Variants in TBC1D16 observed in about 807,000 individuals in gnomAD.
The protein encoded by TBC1D16 is TBC1 domain family member 16, also known as CTD-2529O21.1.
Under a neutral mutation model 74.7 loss-of-function variants are expected in TBC1D16, and 58 were observed. The ratio of observed to expected loss-of-function variants is 0.78; its 90% CI spans 0.63 to 0.97. TBC1D16 has a LOEUF of 0.97. Among genes scored for constraint, TBC1D16 ranks in the 50% least tolerant of loss-of-function variants. The pLI is 0.00. For missense variants in TBC1D16, 1,014 were observed against 1,079.5 expected (o/e 0.94, Z 0.85); for synonymous variants, 493 against 474.7 (o/e 1.04, Z -0.50).
rs560669564 is a variant in TBC1D16 at position 79,973,344 on chromosome 17, G to A, written c.780-20526C>T. Among the ~76,000 whole-genome samples, 14 of 152,282 alleles carry A rather than the reference G, an allele frequency of 9.2e-5. No homozygotes were observed. The East Asian group carries it at 2.5e-3, about 27-fold the overall frequency. On this transcript the variant is annotated intron_variant, in intron 3 of 11. Coordinates refer to ENST00000310924, the MANE Select transcript of TBC1D16 (RefSeq NM_019020.4). ...TCCCAGCACTTTGGGAGGCTGAGAC[G>A]GGTAGGTCACTTGAGCCCAGGAGTT...
chr17:80,026,124 A>G (rs1445868466), intron 1 of TBC1D16: 1 of 150,210 alleles, frequency 6.7e-6, no homozygotes, highest in Non-Finnish European at 1.5e-5. Context: ...ATTATTTAAT[A>G]CTAAAAAGAA....
In TBC1D16 at chr17:79,940,853, C is replaced by A; in HGVS notation, c.*6G>T. ...CTCAACCCCTGTCCGGTGTCGGGGG[C>A]CCGACCTATCTGCGGAAGCCGAAGC... On this transcript the variant is annotated 3_prime_UTR_variant, in exon 12 of 12. Coordinates refer to ENST00000310924, the MANE Select transcript of TBC1D16 (RefSeq NM_019020.4). The surrounding 1 kb of genome is among the most constrained non-coding windows in gnomAD (Gnocchi z 5.4). The A allele has an allele frequency of 6.5e-7, 1 of 1,531,936 alleles. No individual in the cohort carries two copies. The allele number at this position is 1,531,936 out of a possible 1,614,324, so 94.9% of individuals were successfully genotyped here. A position where few individuals can be genotyped will look rare whatever the true frequency, so the allele number is the denominator to read the frequency against.
intron 1 of TBC1D16, chr17:80,024,095 C>G (rs1851986516): frequency 9.6e-6 from 1 of 104,072 alleles, no homozygotes; most frequent in South Asian, 3.1e-4. Context: ...TTTTGGCTTT[C>G]CGCGACAAAG....
rs1179384441 is a variant in TBC1D16, at chr17:79,938,852, G to A, written c.*2007C>T. On this transcript the variant is annotated 3_prime_UTR_variant, in exon 12 of 12. Transcript: ENST00000310924. ...CCCTCCGTGCCTTTGGCTGTGCCAT[G>A]GCTGGCCTGCAGGAGGGATGCAAGA... The A allele has an allele frequency of 6.6e-6, 1 of 152,348 alleles. No homozygotes were observed. The highest frequency in any genetic ancestry group is 2.4e-5 in the African/African-American group (1 of 41,470). The allele number at this position is 152,348 out of a possible 1,614,324, so 9.4% of individuals were successfully genotyped here. A position where few individuals can be genotyped will look rare whatever the true frequency, so the allele number is the denominator to read the frequency against.
In TBC1D16 at chr17:80,025,547, A is replaced by G. The variant is rs552307429; in HGVS notation, c.-63+10248T>C. 2.9e-4 allele frequency among the ~76,000 whole-genome samples: 40 copies of G among 135,974 alleles called. 1 individual carries two copies. In the South Asian group the frequency reaches 9.4e-3, roughly 32 times the overall value. The allele number at this position is 135,974 out of a possible 152,430, so 89.2% of individuals were successfully genotyped here. A position where few individuals can be genotyped will look rare whatever the true frequency, so the allele number is the denominator to read the frequency against. ...TGGAGAGTTTTGCAGCAGTCCTGGC[A>G]CCTGGGCTTCGGGGCCCGCCTGCTG... On this transcript the variant is annotated intron_variant, in intron 1 of 11. Coordinates refer to ENST00000310924, the MANE Select transcript of TBC1D16 (RefSeq NM_019020.4).
chr17:79,958,083 C>T (rs909848994), intron 3 of TBC1D16, among the ~76,000 whole-genome samples: 18 of 150,866 alleles, frequency 1.2e-4, no homozygotes, highest in Admixed American at 4.6e-4. Flanking sequence ...GAAATAGAAA[C>T]GGGATAACAT....
rs941971199 is a variant in TBC1D16, at chr17:79,979,190, G to A, written c.780-26372C>T. ...GGAAAGGAGGAGCCATAGGAGCTGGGCAGGGAAGGCCAGAGCACACACGCT... is the reference window on the plus strand; with the variant it reads ...GGAAAGGAGGAGCCATAGGAGCTGGACAGGGAAGGCCAGAGCACACACGCT... On this transcript the variant is annotated intron_variant, in intron 3 of 11. Transcript: ENST00000310924. The surrounding 1 kb of genome is among the most constrained non-coding windows in gnomAD (Gnocchi z 4.8). Among the ~76,000 whole-genome samples, 2 of 152,186 alleles carry A rather than the reference G, an allele frequency of 1.3e-5. No homozygotes were observed. Among genetic ancestry groups the A allele is most frequent in the African/African-American group, 2.4e-5 (1 of 41,446 alleles).
chr17:79,998,714 C>T (rs112410672), intron 3 of TBC1D16, among the ~76,000 whole-genome samples: 2 of 152,128 alleles, frequency 1.3e-5, no homozygotes, highest in African/African-American at 4.8e-5. Flanking sequence ...CTTGACAGCT[C>T]ATTTCCTTTT....
rs867953724 is a variant in TBC1D16 at position 79,944,979 on chromosome 17, G to A, written c.1837C>T (p.Leu613=). The A allele has an allele frequency of 6.4e-7, 1 of 1,564,886 alleles. No homozygotes were observed. The highest frequency in any genetic ancestry group is 1.3e-5 in the African/African-American group (1 of 74,288). The stretch of plus-strand genomic sequence containing the variant: ...TCGGGGAACTCCCGCTTGAAGCACA[G>A]AAGGAGCCAGCGGTGGCAGAAGAGC... ...QMLFCHRWLL[L]CFKREFPEAE... The change falls in exon 10 of 12, where the codon CTG becomes TTG. Residue 613 remains leucine (L), a synonymous_variant. Coordinates refer to ENST00000310924, the MANE Select transcript of TBC1D16 (RefSeq NM_019020.4). The surrounding 1 kb of genome is among the most constrained non-coding windows in gnomAD (Gnocchi z 7.7).
At chr17:79,947,602 G>A (rs747561340) in intron 9 of TBC1D16, 43 bp downstream of exon 9, 2 of 1,598,098 alleles carry the variant, frequency 1.3e-6, no homozygotes, top group Middle Eastern at 1.7e-4. Context: ...GGCAACACGG[G>A]CCCTCACATG....
Position 80,017,680 on chromosome 17 carries a change from C to CAA in TBC1D16, c.-62-4073_-62-4072dup, listed in dbSNP as rs57336950. 2.4e-3 allele frequency among the ~76,000 whole-genome samples: 205 copies of CAA among 84,664 alleles called. 1 individual carries two copies. The highest frequency in any genetic ancestry group is 8.9e-3 in the Middle Eastern group (1 of 112). 55.5% of individuals were successfully genotyped at this position (84,664 alleles called of 152,430 possible). A position where few individuals can be genotyped will look rare whatever the true frequency, so the allele number is the denominator to read the frequency against. ...TGGGCGACAGAGCAAGACTCCATCT[C>CAA]AAAAAAAAAAAAAAAAAAAAAAAGT... On this transcript the variant is annotated intron_variant, in intron 1 of 11. Coordinates refer to ENST00000310924, the MANE Select transcript of TBC1D16 (RefSeq NM_019020.4).
chr17:79,947,796 G>C lies in TBC1D16; in HGVS notation c.1577C>G (p.Ala526Gly). ...CGACATCCCTTGGGAATAGCCGACGGCAGGGTTGTACACGGCGTAGTTCAG... is the reference window on the plus strand; with the variant it reads ...CGACATCCCTTGGGAATAGCCGACGCCAGGGTTGTACACGGCGTAGTTCAG... ...ILLNYAVYNP[A>G]VGYSQGMSDL... The change falls in exon 9 of 12, where the codon GCC becomes GGC. Residue 526 changes from alanine to glycine, a missense_variant. Physicochemically the swap from Ala to Gly is moderately conservative, Grantham distance 60 (BLOSUM62 0). Transcript: ENST00000310924. The C allele has an allele frequency of 6.2e-7, 1 of 1,613,752 alleles. No homozygotes were observed. Among genetic ancestry groups the C allele is most frequent in the African/African-American group, 1.3e-5 (1 of 75,072 alleles).
chr17:79,957,195 G>A (rs566142540), intron 3 of TBC1D16, among the ~76,000 whole-genome samples: 6 of 152,310 alleles, frequency 3.9e-5, no homozygotes, highest in Middle Eastern at 3.4e-3. Flanking sequence ...GGTTGGGAGA[G>A]GAGGCTGTGA....
intron 3 of TBC1D16, among the ~76,000 whole-genome samples, chr17:79,995,248 T>C (rs1454987396): frequency 6.6e-6 from 1 of 150,632 alleles, no homozygotes; most frequent in African/African-American, 2.4e-5. Flanking sequence ...TGCAGTGAGC[T>C]GAGATCGCAC....
intron 3 of TBC1D16, among the ~76,000 whole-genome samples, chr17:79,964,076 A>G (rs972902416): frequency 3.3e-5 from 5 of 152,130 alleles, no homozygotes; most frequent in African/African-American, 1.2e-4. Flanking sequence ...TCCAGGTTCA[A>G]GCTATTCTCC....
chr17:79,955,929 C>T (rs2059441129), intron 3 of TBC1D16, among the ~76,000 whole-genome samples: 1 of 152,236 alleles, frequency 6.6e-6, no homozygotes, highest in South Asian at 2.1e-4. Context: ...TGTCTCTCCA[C>T]CCCTGAATCT....
In TBC1D16 at chr17:79,943,973, C is replaced by T. The variant is rs1243342583; in HGVS notation, c.1908+935G>A. 56 of 1,518,274 alleles carry T rather than the reference C, an allele frequency of 3.7e-5. No individual in the cohort carries two copies. In the East Asian group the frequency reaches 9.6e-4, roughly 26 times the overall value. 94.1% of individuals were successfully genotyped at this position (1,518,274 alleles called of 1,614,324 possible). A position where few individuals can be genotyped will look rare whatever the true frequency, so the allele number is the denominator to read the frequency against. ...GTTAATGCAGATCGTCCACCCTGCACGTCCACGTCCAGCAGGCTGAGCCAG... is the reference window on the plus strand; with the variant it reads ...GTTAATGCAGATCGTCCACCCTGCATGTCCACGTCCAGCAGGCTGAGCCAG... On this transcript the variant is annotated intron_variant, in intron 10 of 11. Coordinates refer to ENST00000310924, the MANE Select transcript of TBC1D16 (RefSeq NM_019020.4).
Position 80,035,687 on chromosome 17 carries a change from A to ACGCGCCCCG in TBC1D16, c.-63+99_-63+107dup, listed in dbSNP as rs1433179932. 1 of 146,398 alleles carries ACGCGCCCCG rather than the reference A, an allele frequency of 6.8e-6. No homozygotes were observed. The highest frequency in any genetic ancestry group is 2.5e-5 in the African/African-American group (1 of 40,046). 9.1% of individuals were successfully genotyped at this position (146,398 alleles called of 1,614,324 possible). A position where few individuals can be genotyped will look rare whatever the true frequency, so the allele number is the denominator to read the frequency against. On this transcript the variant is annotated intron_variant, in intron 1 of 11. Transcript: ENST00000310924. The surrounding 1 kb of genome is among the most constrained non-coding windows in gnomAD (Gnocchi z 5.3). Reference sequence around the variant, plus strand: ...CCGCGGCTGCAGGCCCACGCGCCCCACGCGCCCCGCGCGCCCCCGCCCCAG... The same window carrying ACGCGCCCCG: ...CCGCGGCTGCAGGCCCACGCGCCCCACGCGCCCCGCGCGCCCCGCGCGCCCCCGCCCCAG...
chr17:80,018,632 C>T (rs1397204317), intron 1 of TBC1D16, among the ~76,000 whole-genome samples: 1 of 145,816 alleles, frequency 6.9e-6, no homozygotes, highest in South Asian at 2.1e-4. Flanking sequence ...TTTTTAGAGA[C>T]AGGTTGTCAC....
Sources: allele counts gnomAD v4.1 joint callset (sites outside exome capture counted in the v4.1 genomes callset), GRCh38; gene constraint gnomAD v4.1.1; non-coding constraint Gnocchi (gnomAD v3.1); transcripts MANE v1.5; gene names NCBI Gene and HGNC (gene_info 2026-07-23, HGNC 2026-07-21).